Variants in PDZD4 observed in about 807,000 individuals in gnomAD.
PDZD4 encodes PDZ domain containing 4.
A neutral mutation model predicts 38.5 loss-of-function variants in PDZD4; 9 were observed. That is an observed-to-expected ratio of 0.23 (90% CI 0.14 to 0.41). PDZD4 has a LOEUF of 0.41. Among genes scored for constraint, PDZD4 ranks in the 10% least tolerant of loss-of-function variants. The pLI is 1.00. For missense variants in PDZD4, 612 were observed against 722.0 expected (o/e 0.85, Z 1.75); for synonymous variants, 349 against 315.7 (o/e 1.11, Z -1.12).
chrX:153,824,478 G>A lies in PDZD4; in HGVS notation c.60+5761C>T, dbSNP rs547958690. On this transcript the variant is annotated intron_variant, in intron 1 of 7. Transcript: ENST00000393758. ...TGGCAGCATCTGGTGCTGGTGAGGC[G>A]GGGAGGCAGAGTGCCCATGCCAGAC... Among the ~76,000 whole-genome samples, 32 of 111,118 alleles carry A rather than the reference G, an allele frequency of 2.9e-4. 1 individual carries two copies. In the South Asian group the frequency reaches 0.011, roughly 38 times the overall value.
intron 1 of PDZD4, among the ~76,000 whole-genome samples, chrX:153,818,136 C>T (rs1205421555): frequency 9.0e-6 from 1 of 111,700 alleles, no homozygotes; most frequent in East Asian, 2.8e-4. Flanking sequence ...ATCCCAACTA[C>T]TTGGGAGGCT....
intron 1 of PDZD4, among the ~76,000 whole-genome samples, chrX:153,828,805 C>T (rs2064509185): frequency 8.9e-6 from 1 of 112,083 alleles, no homozygotes; most frequent in African/African-American, 3.2e-5. Flanking sequence ...GAAAAGGAAG[C>T]AGGAGGATGG....
At chrX:153,812,945 A>G (rs1165629341) in intron 1 of PDZD4, among the ~76,000 whole-genome samples, 1 of 109,335 alleles carries the variant, frequency 9.1e-6, no homozygotes, top group Non-Finnish European at 1.9e-5. Context: ...GGCCAACCCC[A>G]GGCTTGCTTC....
At position 153,808,555 on chromosome X, in the gene PDZD4, G is replaced by C; in HGVS notation, c.101C>G (p.Thr34Ser). 2.5e-6 allele frequency: 3 copies of C among 1,195,066 alleles called. No homozygotes were observed. Among genetic ancestry groups the C allele is most frequent in the Non-Finnish European group, 3.4e-6 (3 of 887,396 alleles). The change falls in exon 2 of 8, where the codon ACT becomes AGT. Residue 34 changes from threonine (T) to serine (S), a missense_variant. This residue lies in a region of PDZD4 where 225 missense variants were observed against 311.0 expected (regional missense o/e 0.72). Transcript: ENST00000393758. ...CTTGGAGGAGCGCAGGGCCTGCAGAGTTTGCTCCTGAGACAGCTTGGAGAG... is the reference window on the plus strand; with the variant it reads ...CTTGGAGGAGCGCAGGGCCTGCAGACTTTGCTCCTGAGACAGCTTGGAGAG... ...KELSKLSQEQ[T>S]LQALRSSKEP... is the part of the protein sequence containing the mutation.
At chrX:153,817,537 G>A (rs2064375552) in intron 1 of PDZD4, among the ~76,000 whole-genome samples, 1 of 111,983 alleles carries the variant, frequency 8.9e-6, no homozygotes, top group Non-Finnish European at 1.9e-5. Flanking sequence ...AGGACCTGGA[G>A]GAAGGGGGGC....
intron 1 of PDZD4, 49 bp from the exon 2 acceptor site, chrX:153,808,644 C>T (rs2064279911): frequency 1.4e-5 from 15 of 1,101,383 alleles, no homozygotes; most frequent in Non-Finnish European, 1.8e-5. Flanking sequence ...CTTGCTCCTC[C>T]CCTCTGAGGT....
chrX:153,824,092 C>T (rs1415093015), intron 1 of PDZD4, among the ~76,000 whole-genome samples: 1 of 111,712 alleles, frequency 9.0e-6, no homozygotes, highest in Non-Finnish European at 1.9e-5. Flanking sequence ...CCATCACCAC[C>T]GTCAGGACAG....
intron 1 of PDZD4, among the ~76,000 whole-genome samples, chrX:153,816,181 A>G (rs2064359833): frequency 9.8e-6 from 1 of 102,085 alleles, no homozygotes; most frequent in Admixed American, 1.1e-4. Flanking sequence ...CCCACCCACC[A>G]GTGGGGCTCC....
intron 1 of PDZD4, among the ~76,000 whole-genome samples, chrX:153,816,580 G>A (rs2064364977): frequency 9.0e-6 from 1 of 111,416 alleles, no homozygotes; most frequent in African/African-American, 3.3e-5. Context: ...GCTGAAGGGA[G>A]AGACGGTGGA....
rs1379144083 is a variant in PDZD4 at position 153,807,362 on chromosome X, T to C, written c.322A>G (p.Ile108Val). Residue 108 changes from isoleucine to valine, a missense_variant, in exon 3 of 8, where the codon ATC becomes GTC. Coordinates refer to ENST00000393758, the MANE Select transcript of PDZD4 (RefSeq NM_001303512.2). ...EPYVLSELPP[I>V]SHEYYDPAEF... ...GCCGGGTCATAATACTCATGGCTGA[T>C]TGGGGGGCTGCCCAGGAGAAGGTGG... 6 of 1,205,449 alleles carry C rather than the reference T, an allele frequency of 5.0e-6. 1 individual carries two copies. In the Admixed American group the frequency reaches 6.6e-5, roughly 13 times the overall value.
Position 153,803,272 on chromosome X carries a change from C to A in PDZD4, c.*81G>T, listed in dbSNP as rs1381525936. 2.4e-6 allele frequency: 2 copies of A among 828,014 alleles called. No individual in the cohort carries two copies. Among genetic ancestry groups the A allele is most frequent in the Non-Finnish European group, 3.2e-6 (2 of 620,008 alleles). 68.2% of individuals were successfully genotyped at this position (828,014 alleles called of 1,213,427 possible). A position where few individuals can be genotyped will look rare whatever the true frequency, so the allele number is the denominator to read the frequency against. On this transcript the variant is annotated 3_prime_UTR_variant, in exon 8 of 8. Transcript: ENST00000393758. ...GAGCACGCGCGCGCGCACACACACACACACACAATCTCTATAGGAGAGTGA... is the reference window on the plus strand; with the variant it reads ...GAGCACGCGCGCGCGCACACACACAAACACACAATCTCTATAGGAGAGTGA...
At chrX:153,805,055 C>G in intron 7 of PDZD4, 42 bp downstream of exon 7, 2 of 1,176,734 alleles carry the variant, frequency 1.7e-6, no homozygotes, top group Non-Finnish European at 1.2e-6. Flanking sequence ...ACCCAGTTCT[C>G]TCCTCCTCGC....
chrX:153,817,047 T>C (rs1044871971), intron 1 of PDZD4, among the ~76,000 whole-genome samples: 40 of 110,657 alleles, frequency 3.6e-4, no homozygotes, highest in African/African-American at 1.3e-3. Context: ...CAAACCACAG[T>C]GAGATACCGC....
intron 1 of PDZD4, among the ~76,000 whole-genome samples, chrX:153,824,615 A>G (rs1213349231): frequency 9.0e-6 from 1 of 111,456 alleles, no homozygotes; most frequent in Non-Finnish European, 1.9e-5. Flanking sequence ...AAGAGGGGAC[A>G]CTGGCTGCCA....
At chrX:153,813,230 G>A (rs1287239818) in intron 1 of PDZD4, among the ~76,000 whole-genome samples, 1 of 112,263 alleles carries the variant, frequency 8.9e-6, no homozygotes, top group Non-Finnish European at 1.9e-5. Context: ...GGGCTCAGAG[G>A]AGAGCCTTAC....
chrX:153,815,676 C>T (rs1355313938), intron 1 of PDZD4, among the ~76,000 whole-genome samples: 1 of 110,664 alleles, frequency 9.0e-6, no homozygotes, highest in Non-Finnish European at 1.9e-5. Flanking sequence ...GGAAGGGGAC[C>T]TGGGGAAGGA....
At chrX:153,818,071 C>T (rs2064380518) in intron 1 of PDZD4, among the ~76,000 whole-genome samples, 1 of 112,020 alleles carries the variant, frequency 8.9e-6, no homozygotes, top group African/African-American at 3.2e-5. Flanking sequence ...CATGGCGAAA[C>T]CCTATCTCTA....
intron 2 of PDZD4, chrX:153,807,948 A>C: frequency 1.0e-6 from 1 of 990,401 alleles, no homozygotes. Flanking sequence ...CGGTCGGGCC[A>C]AAGAAAGAAG....
intron 1 of PDZD4, among the ~76,000 whole-genome samples, chrX:153,824,600 C>T (rs188446754): frequency 0.011 from 1,241 of 111,369 alleles, 10 homozygotes; most frequent in Non-Finnish European, 0.018. Context: ...AGGAAGACGT[C>T]GCTGAAGAGG....
Sources: allele counts gnomAD v4.1 joint callset (sites outside exome capture counted in the v4.1 genomes callset), GRCh38; gene constraint gnomAD v4.1.1; regional missense constraint gnomAD v4.1.1; transcripts MANE v1.5; gene names NCBI Gene and HGNC (gene_info 2026-07-23, HGNC 2026-07-21).